The following COL7A1 variants were observed in gnomAD, a reference collection of about 807,000 sequenced individuals.
COL7A1 encodes collagen alpha-1(VII) chain.
In COL7A1, 296 loss-of-function variants were observed where a neutral mutation model predicts 456.2. The ratio of observed to expected loss-of-function variants is 0.65; its 90% confidence interval spans 0.59 to 0.71. The LOEUF (loss-of-function observed/expected upper bound fraction) is 0.71, where lower values mean the gene tolerates loss of function less well. Ranked by LOEUF, COL7A1 falls within the 30% of genes least tolerant of loss-of-function variation. COL7A1 has a pLI of 0.00. For missense variants in COL7A1, 3,441 were observed against 4,017.2 expected (o/e 0.86, Z 3.88); for synonymous variants, 1,464 against 1,525.9 (o/e 0.96, Z 0.95).
intron 2 of COL7A1, 46 bp downstream of exon 2, chr3:48,595,029 G>T: frequency 6.9e-7 from 1 of 1,451,908 alleles, no homozygotes. Flanking sequence ...AGCGGAGGGT[G>T]GCACGGTGCA....
chr3:48,576,453 C>G lies in COL7A1; in HGVS notation c.5737-18G>C, dbSNP rs943203695. On this transcript the variant is annotated intron_variant, in intron 69 of 118. Coordinates refer to ENST00000681320, the MANE Select transcript of COL7A1 (RefSeq NM_000094.4). The stretch of plus-strand genomic sequence containing the variant: ...CGGTCACCCTGAAAACAAGAATGAC[C>G]AGGTGGGGAAATGGCCCCCAGCCTG... 1 of 1,613,478 alleles carries G rather than the reference C, an allele frequency of 6.2e-7. No homozygotes were observed. Among genetic ancestry groups the G allele is most frequent in the East Asian group, 2.2e-5 (1 of 44,834 alleles).
chr3:48,595,310 G>C lies in COL7A1; in HGVS notation c.-44C>G, dbSNP rs899796513. On this transcript the variant is annotated 5_prime_UTR_variant, in exon 1 of 119. Transcript: ENST00000681320. ...CCCGCCGCCGCCGCTGCAGTCTCTC[G>C]GGCAGAGCAGAGAAAAGTCCCTGAT... 5.8e-6 allele frequency: 4 copies of C among 683,762 alleles called. No homozygotes were observed. Among genetic ancestry groups the C allele is most frequent in the East Asian group, 2.8e-5 (1 of 36,282 alleles). 42.4% of individuals were successfully genotyped at this position (683,762 alleles called of 1,614,324 possible). A position where few individuals can be genotyped will look rare whatever the true frequency, so the allele number is the denominator to read the frequency against.
intron 71 of COL7A1, 146 bp from the exon 72 acceptor site, chr3:48,576,048 G>A: frequency 7.0e-7 from 1 of 1,435,126 alleles, no homozygotes; most frequent in Non-Finnish European, 9.7e-7. Flanking sequence ...AGGCATGGCT[G>A]GAGACTCCTG....
chr3:48,587,973 T>C lies in COL7A1; in HGVS notation c.2711-34A>G, dbSNP rs1309775594. The C allele has an allele frequency of 1.3e-6, 2 of 1,557,260 alleles. No homozygotes were observed. The highest frequency in any genetic ancestry group is 1.7e-6 in the Non-Finnish European group (2 of 1,150,368). ...GGCGTGAGGGTGGGGGCCAAGAGCATGTGGGATAGTGACACCTGGGGGCAT... is the reference window on the plus strand; with the variant it reads ...GGCGTGAGGGTGGGGGCCAAGAGCACGTGGGATAGTGACACCTGGGGGCAT... On this transcript the variant is annotated intron_variant, in intron 21 of 118. Transcript: ENST00000681320. The surrounding 1 kb of genome is among the most constrained non-coding windows in gnomAD (Gnocchi z 6.1).
At chr3:48,584,827 C>T in intron 34 of COL7A1, 58 bp from the exon 35 acceptor site, 1 of 1,613,812 alleles carries the variant, frequency 6.2e-7, no homozygotes, top group Admixed American at 1.7e-5. Context: ...TCAACGTGGG[C>T]ACTGCACCAC....
rs1003649 is a variant in COL7A1 at position 48,581,233 on chromosome 3, A to G, written c.4899+27T>C. 79,845 of 1,612,316 alleles carry G rather than the reference A, an allele frequency of 0.05. 7,650 individuals are homozygous for G. Among genetic ancestry groups the G allele is most frequent in the African/African-American group, 0.41 (30,424 of 74,884 alleles). ...CAACAGCCCTACTCCCTTACCCGCCATGACTCCCCCGACTCCAGCCTCTTA... is the reference window on the plus strand; with the variant it reads ...CAACAGCCCTACTCCCTTACCCGCCGTGACTCCCCCGACTCCAGCCTCTTA... On this transcript the variant is annotated intron_variant, in intron 52 of 118. Transcript: ENST00000681320. This position sits in a 1 kb window ranked among gnomAD's most constrained non-coding sequence, Gnocchi z 5.8.
chr3:48,586,289 C>T lies in COL7A1; in HGVS notation c.3550+43G>A. On this transcript the variant is annotated intron_variant, in intron 27 of 118. Transcript: ENST00000681320. The surrounding 1 kb of genome is among the most constrained non-coding windows in gnomAD (Gnocchi z 5.1). ...GGCTGCATGATAGCCTTTTCAGGGCCACCCCTATTCCCAGACCCCTTCCCC... is the reference window on the plus strand; with the variant it reads ...GGCTGCATGATAGCCTTTTCAGGGCTACCCCTATTCCCAGACCCCTTCCCC... The T allele has an allele frequency of 6.2e-7, 1 of 1,613,740 alleles. No homozygotes were observed. Among genetic ancestry groups the T allele is most frequent in the Non-Finnish European group, 8.5e-7 (1 of 1,180,022 alleles).
Position 48,582,598 on chromosome 3 carries a change from C to T in COL7A1, c.4563+11G>A. 6.2e-7 allele frequency: 1 copy of T among 1,613,734 alleles called. No individual in the cohort carries two copies. Among genetic ancestry groups the T allele is most frequent in the Admixed American group, 1.7e-5 (1 of 60,022 alleles). On this transcript the variant is annotated intron_variant, in intron 45 of 118. Coordinates refer to ENST00000681320, the MANE Select transcript of COL7A1 (RefSeq NM_000094.4). Reference sequence around the variant, plus strand: ...GTCCCACTCCTGGTCCCACCACAGTCACAGACTCACTTCAGGACCCTTGGC... The same window carrying T: ...GTCCCACTCCTGGTCCCACCACAGTTACAGACTCACTTCAGGACCCTTGGC...
chr3:48,592,514 G>A lies in COL7A1; in HGVS notation c.977-47C>T. ...GATTCATGGAGTCAGAAGTGGGAGG[G>A]GGTACTGGGGTCGGGGGTTAGGTGA... is the stretch of plus-strand genomic sequence containing the variant. On this transcript the variant is annotated intron_variant, in intron 8 of 118. Coordinates refer to ENST00000681320, the MANE Select transcript of COL7A1 (RefSeq NM_000094.4). This position sits in a 1 kb window ranked among gnomAD's most constrained non-coding sequence, Gnocchi z 7.6. The A allele has an allele frequency of 6.2e-7, 1 of 1,613,410 alleles. No individual in the cohort carries two copies. The highest frequency in any genetic ancestry group is 1.1e-5 in the South Asian group (1 of 91,064).
Position 48,580,893 on chromosome 3 carries a change from G to T in COL7A1, c.4969C>A (p.Arg1657Ser). The change falls in exon 54 of 119, where the codon CGT becomes AGT. Residue 1657 changes from arginine (R) to serine (S), a missense_variant. Arg to Ser is a moderately radical substitution (Grantham distance 110). Transcript: ENST00000681320. This position sits in a 1 kb window ranked among gnomAD's most constrained non-coding sequence, Gnocchi z 4.5. ...DPGLPGKAGE[R>S]GLRGAPGVRG... ...CTGCCAAGACTCACCCGAAGGCCAC[G>T]CTCGCCTGCTTTTCCAGGCAAACCC... is the stretch of plus-strand genomic sequence containing the variant. 1 of 1,613,988 alleles carries T rather than the reference G, an allele frequency of 6.2e-7. No individual in the cohort carries two copies. The highest frequency in any genetic ancestry group is 8.5e-7 in the Non-Finnish European group (1 of 1,180,018).
chr3:48,568,153 A>G lies in COL7A1; in HGVS notation c.7812T>C (p.Asp2604=), dbSNP rs760445665. 5 of 1,613,904 alleles carry G rather than the reference A, an allele frequency of 3.1e-6. No homozygotes were observed. In the South Asian group the frequency reaches 4.4e-5, roughly 14 times the overall value. ...TTTCTCCTCGGATACCAGGCACTCC[A>G]TCCTTTCCTGGGGATCCCTAGCAGG... ...IPGDPGSPGK[D]GVPGIRGEKG... The change falls in exon 106 of 119, where the codon GAT becomes GAC. Residue 2604 remains aspartate (D), a synonymous_variant. Transcript: ENST00000681320. This position sits in a 1 kb window ranked among gnomAD's most constrained non-coding sequence, Gnocchi z 5.2.
Position 48,573,464 on chromosome 3 carries a change from G to A in COL7A1, c.6618+49C>T, listed in dbSNP as rs1478446897. 6.2e-7 allele frequency: 1 copy of A among 1,613,842 alleles called. No individual in the cohort carries two copies. The highest frequency in any genetic ancestry group is 1.7e-5 in the Admixed American group (1 of 60,022). On this transcript the variant is annotated intron_variant, in intron 83 of 118. Coordinates refer to ENST00000681320, the MANE Select transcript of COL7A1 (RefSeq NM_000094.4). The surrounding 1 kb of genome is among the most constrained non-coding windows in gnomAD (Gnocchi z 5.5). ...GTTGGCGCACACTACCCCAGGCATG[G>A]ACACAGCTTGAAGGAGCCTCCTCCT...
chr3:48,589,521 G>C, intron 17 of COL7A1, 51 bp from the exon 18 acceptor site: 2 of 1,612,876 alleles, frequency 1.2e-6, no homozygotes, highest in East Asian at 4.5e-5. Context: ...CTGTGCCCCA[G>C]AGCCCCACCT....
Position 48,566,972 on chromosome 3 carries a change from C to T in COL7A1, c.8161G>A (p.Ala2721Thr), listed in dbSNP as rs1175667137. Residue 2721 changes from alanine (A) to threonine (T), a missense_variant, in exon 111 of 119, where the codon GCT becomes ACT. Transcript: ENST00000681320. The surrounding 1 kb of genome is among the most constrained non-coding windows in gnomAD (Gnocchi z 5.9). ...FPGPSGNDGS[A>T]GPPGPPGSVG... ...CTGCCAGGTGGCCCTGGGGGACCAG[C>T]AGAGCCATCATTTCCACTGGGGCCT... 1 of 1,611,822 alleles carries T rather than the reference C, an allele frequency of 6.2e-7. No individual in the cohort carries two copies. The highest frequency in any genetic ancestry group is 2.2e-5 in the East Asian group (1 of 44,816).
Position 48,569,598 on chromosome 3 carries a change from C to G in COL7A1, c.7608G>C (p.Gly2536=), listed in dbSNP as rs1228908378. The G allele has an allele frequency of 1.2e-6, 2 of 1,613,762 alleles. No individual in the cohort carries two copies. The highest frequency in any genetic ancestry group is 1.7e-6 in the Non-Finnish European group (2 of 1,179,834). The change falls in exon 102 of 119, where the codon GGG becomes GGC. Residue 2536 remains glycine, a synonymous_variant. Transcript: ENST00000681320. The surrounding 1 kb of genome is among the most constrained non-coding windows in gnomAD (Gnocchi z 4.9). ...LGPPGPRGAK[G]DMGERGPRGL... ...CACACGTGGGCCCACTCACCATGTCCCCCTTGGCACCCCGTGGGCCTGGAG... is the reference window on the plus strand; with the variant it reads ...CACACGTGGGCCCACTCACCATGTCGCCCTTGGCACCCCGTGGGCCTGGAG...
At position 48,594,691 on chromosome 3, in the gene COL7A1, G is replaced by C; in HGVS notation, c.86-143C>G. 1.0e-6 allele frequency: 1 copy of C among 999,264 alleles called. No homozygotes were observed. Among genetic ancestry groups the C allele is most frequent in the Non-Finnish European group, 1.5e-6 (1 of 683,402 alleles). 61.9% of individuals were successfully genotyped at this position (999,264 alleles called of 1,614,324 possible). On this transcript the variant is annotated intron_variant, in intron 2 of 118. Transcript: ENST00000681320. The surrounding 1 kb of genome is among the most constrained non-coding windows in gnomAD (Gnocchi z 5.5). ...CAGGGCCGAATCGGCCTGAGCCTGA[G>C]GGCCTTGGAGGGAGTTGAGCTCGGT... is the stretch of plus-strand genomic sequence containing the variant.
Position 48,572,850 on chromosome 3 carries a change from C to A in COL7A1, c.6831+12G>T. On this transcript the variant is annotated intron_variant, in intron 87 of 118. Transcript: ENST00000681320. The surrounding 1 kb of genome is among the most constrained non-coding windows in gnomAD (Gnocchi z 4.6). Reference sequence around the variant, plus strand: ...GCACCACACCCTAGCGAGCTGCCCCCAGAACACATACTGGCACACCAGGGC... The same window carrying A: ...GCACCACACCCTAGCGAGCTGCCCCAAGAACACATACTGGCACACCAGGGC... 1 of 1,614,016 alleles carries A rather than the reference C, an allele frequency of 6.2e-7. No homozygotes were observed. Among genetic ancestry groups the A allele is most frequent in the Non-Finnish European group, 8.5e-7 (1 of 1,179,976 alleles).
intron 47 of COL7A1, 89 bp downstream of exon 47, chr3:48,582,234 T>C (rs2044813655): frequency 6.2e-7 from 1 of 1,606,844 alleles, no homozygotes. Context: ...GGCCCAGCAC[T>C]GTGGAATCAC....
rs1291291431 is a variant in COL7A1 at position 48,591,203 on chromosome 3, T to C, written c.1636+261A>G. 6.6e-6 allele frequency among the ~76,000 whole-genome samples: 1 copy of C among 151,396 alleles called. No individual in the cohort carries two copies. The highest frequency in any genetic ancestry group is 1.5e-5 in the Non-Finnish European group (1 of 67,846). ...ACCACTAGGGTAACAGAAAGACAGGTGATTGAGCTTGTGGCTGTGCAGAGG... is the reference window on the plus strand; with the variant it reads ...ACCACTAGGGTAACAGAAAGACAGGCGATTGAGCTTGTGGCTGTGCAGAGG... On this transcript the variant is annotated intron_variant, in intron 13 of 118. Coordinates refer to ENST00000681320, the MANE Select transcript of COL7A1 (RefSeq NM_000094.4). The surrounding 1 kb of genome is among the most constrained non-coding windows in gnomAD (Gnocchi z 7.0).
Sources: allele counts gnomAD v4.1 joint callset (sites outside exome capture counted in the v4.1 genomes callset), GRCh38; gene constraint gnomAD v4.1.1; non-coding constraint Gnocchi (gnomAD v3.1); transcripts MANE v1.5; gene names NCBI Gene and HGNC (gene_info 2026-07-23, HGNC 2026-07-21).